Variants in SYT1 observed in about 807,000 individuals in gnomAD.
The protein encoded by SYT1 is synaptotagmin 1.
Under a neutral mutation model 44.8 loss-of-function variants are expected in SYT1, and 8 were observed. The observed-to-expected ratio is 0.18, with a 90% CI of 0.10 to 0.32. The LOEUF (loss-of-function observed/expected upper bound fraction) is 0.32. Ranked by LOEUF, SYT1 falls within the 10% of genes least tolerant of loss-of-function variation. SYT1 has a pLI of 1.00. For missense variants in SYT1, 286 were observed against 509.3 expected (o/e 0.56, Z 4.22); for synonymous variants, 154 against 188.8 (o/e 0.82, Z 1.51).
intron 1 of SYT1, among the ~76,000 whole-genome samples, chr12:78,968,274 T>A (rs190578633): frequency 6.6e-6 from 1 of 152,180 alleles, no homozygotes; most frequent in East Asian, 1.9e-4. Flanking sequence ...AGGAGTCTAT[T>A]AGGTTGTTTT....
chr12:78,949,501 T>C lies in SYT1; in HGVS notation c.-216-28298T>C, dbSNP rs549116741. Among the ~76,000 whole-genome samples the C allele has an allele frequency of 9.2e-5, 14 of 151,386 alleles. No homozygotes were observed. The East Asian group carries it at 2.7e-3, about 30-fold the overall frequency. On this transcript the variant is annotated intron_variant, in intron 1 of 10. Coordinates refer to ENST00000261205, the MANE Select transcript of SYT1 (RefSeq NM_005639.3). ...TTAAAAAAAAAAAAACCTTAAATAA[T>C]ATCCAGTTTAAGAGATTTCAAATAC...
intron 8 of SYT1, among the ~76,000 whole-genome samples, chr12:79,305,144 T>C (rs924394679): frequency 6.6e-6 from 1 of 152,226 alleles, no homozygotes; most frequent in Non-Finnish European, 1.5e-5. Flanking sequence ...TGCTTGCCTT[T>C]CTGGTTAAAA....
At chr12:78,894,631 G>A (rs899558629) in intron 1 of SYT1, among the ~76,000 whole-genome samples, 2 of 151,510 alleles carry the variant, frequency 1.3e-5, no homozygotes, top group African/African-American at 4.8e-5. Context: ...CTCATTATGA[G>A]CTAGTTCTTA....
intron 3 of SYT1, among the ~76,000 whole-genome samples, chr12:79,184,577 A>G (rs1023704671): frequency 2.6e-5 from 4 of 152,046 alleles, no homozygotes; most frequent in Non-Finnish European, 4.4e-5. Context: ...GATTTTTGCC[A>G]TTGCTGTTGT....
At chr12:79,350,922 G>A (rs1375479640) in intron 8 of SYT1, among the ~76,000 whole-genome samples, 1 of 152,060 alleles carries the variant, frequency 6.6e-6, no homozygotes, top group African/African-American at 2.4e-5. Flanking sequence ...AAATATCTTG[G>A]AGATCCAGAA....
chr12:78,906,701 G>A (rs1876003332), intron 1 of SYT1, among the ~76,000 whole-genome samples: 1 of 152,028 alleles, frequency 6.6e-6, no homozygotes, highest in Non-Finnish European at 1.5e-5. Context: ...CAGACTGGGG[G>A]TGTCTGTCCT....
At chr12:79,184,965 C>T (rs1424742116) in intron 3 of SYT1, among the ~76,000 whole-genome samples, 1 of 152,074 alleles carries the variant, frequency 6.6e-6, no homozygotes, top group Non-Finnish European at 1.5e-5. Flanking sequence ...TCTTTCCTGA[C>T]ATAAAACTGC....
At chr12:79,379,414 A>ATT (rs1884129198) in intron 9 of SYT1, among the ~76,000 whole-genome samples, 1 of 152,176 alleles carries the variant, frequency 6.6e-6, no homozygotes, top group Admixed American at 6.5e-5. Context: ...TACCATTCCA[A>ATT]GGAGTCCTCT....
At chr12:79,122,290 G>A (rs1398650576) in intron 3 of SYT1, among the ~76,000 whole-genome samples, 2 of 151,496 alleles carry the variant, frequency 1.3e-5, no homozygotes, top group East Asian at 1.9e-4. Flanking sequence ...CGAGGCGGGC[G>A]GATCACGAGG....
chr12:79,153,087 A>G (rs1381201751), intron 3 of SYT1, among the ~76,000 whole-genome samples: 1 of 152,036 alleles, frequency 6.6e-6, no homozygotes, highest in Non-Finnish European at 1.5e-5. Context: ...ATGACCAAAA[A>G]ACAACCCCAA....
At chr12:78,998,455 G>A (rs541909177) in intron 2 of SYT1, among the ~76,000 whole-genome samples, 4 of 152,310 alleles carry the variant, frequency 2.6e-5, no homozygotes, top group African/African-American at 9.6e-5. Flanking sequence ...TCTGAGAACA[G>A]AAGTCATGTC....
At chr12:79,089,085 TAAAAGAG>T (rs1241736718) in intron 3 of SYT1, among the ~76,000 whole-genome samples, 1 of 151,734 alleles carries the variant, frequency 6.6e-6, no homozygotes, top group Non-Finnish European at 1.5e-5. Context: ...TGGATAGAGA[TAAAAGAG>T]AAAAGAATGT....
At chr12:79,389,347 T>C (rs1884563829) in intron 9 of SYT1, among the ~76,000 whole-genome samples, 1 of 152,214 alleles carries the variant, frequency 6.6e-6, no homozygotes, top group African/African-American at 2.4e-5. Flanking sequence ...TTGTATCCTA[T>C]GTAAAAACCC....
intron 2 of SYT1, among the ~76,000 whole-genome samples, chr12:78,996,332 G>A (rs558089686): frequency 2.6e-5 from 4 of 152,194 alleles, no homozygotes; most frequent in African/African-American, 4.8e-5. Flanking sequence ...ACTAAGCACC[G>A]ACTTCTCCCT....
chr12:79,059,004 T>C (rs1449372128), intron 3 of SYT1, among the ~76,000 whole-genome samples: 1 of 152,054 alleles, frequency 6.6e-6, no homozygotes, highest in Non-Finnish European at 1.5e-5. Context: ...GGGTAATTTA[T>C]AAAGGAAAGA....
intron 4 of SYT1, among the ~76,000 whole-genome samples, chr12:79,275,811 G>C (rs1231717982): frequency 6.6e-6 from 1 of 152,144 alleles, no homozygotes; most frequent in Admixed American, 6.5e-5. Flanking sequence ...CTGAGGGTGT[G>C]GGGAGGGAAG....
chr12:79,315,652 G>A (rs1321957503), intron 8 of SYT1, among the ~76,000 whole-genome samples: 1 of 152,108 alleles, frequency 6.6e-6, no homozygotes, highest in Non-Finnish European at 1.5e-5. Flanking sequence ...TGGGATATTC[G>A]CTGAAAATAT....
chr12:79,376,640 C>T (rs547688697), intron 9 of SYT1, among the ~76,000 whole-genome samples: 24 of 152,276 alleles, frequency 1.6e-4, no homozygotes, highest in Middle Eastern at 3.4e-3. Flanking sequence ...CTCATTTTAC[C>T]CAGCTCCTAT....
intron 4 of SYT1, among the ~76,000 whole-genome samples, chr12:79,252,823 C>T (rs1255985557): frequency 6.6e-6 from 1 of 152,156 alleles, no homozygotes; most frequent in South Asian, 2.1e-4. Context: ...CACAATAACG[C>T]ATTTAACTTT....
Sources: allele counts gnomAD v4.1 joint callset (sites outside exome capture counted in the v4.1 genomes callset), GRCh38; gene constraint gnomAD v4.1.1; transcripts MANE v1.5; gene names NCBI Gene and HGNC (gene_info 2026-07-23, HGNC 2026-07-21).